Variants in FRRS1L observed in about 807,000 individuals in gnomAD.
The protein encoded by FRRS1L is ferric chelate reductase 1 like.
In FRRS1L, 22 loss-of-function variants were observed where a neutral mutation model predicts 28.6. The ratio of observed to expected loss-of-function variants is 0.77; its 90% CI spans 0.55 to 1.10. The LOEUF is 1.10. Ranked by LOEUF, FRRS1L falls within the 50% of genes least tolerant of loss-of-function variation. The pLI is 0.00. For missense variants in FRRS1L, 380 were observed against 386.9 expected, an observed-to-expected ratio of 0.98 and a Z score of 0.15; for synonymous variants, 158 against 151.4, an observed-to-expected ratio of 1.04 and a Z score of -0.32.
In FRRS1L at chr9:109,167,189, C is replaced by T. The variant is rs1257736975; in HGVS notation, c.-51G>A. ...GCCGCTCGGGCCGCAGCGGGGGCGCCGCGGGCGCGGGCCGGGACTGAGCCT... is the reference window on the plus strand; with the variant it reads ...GCCGCTCGGGCCGCAGCGGGGGCGCTGCGGGCGCGGGCCGGGACTGAGCCT... On this transcript the variant is annotated 5_prime_UTR_variant, in exon 1 of 5. Transcript: ENST00000561981. 6.9e-6 allele frequency: 8 copies of T among 1,166,090 alleles called. No homozygotes were observed. Among genetic ancestry groups the T allele is most frequent in the African/African-American group, 4.9e-5 (3 of 61,498 alleles). 72.2% of individuals were successfully genotyped at this position (1,166,090 alleles called of 1,614,324 possible). A position where few individuals can be genotyped will look rare whatever the true frequency, so the allele number is the denominator to read the frequency against.
chr9:109,162,158 A>C (rs1264899004), intron 1 of FRRS1L, among the ~76,000 whole-genome samples: 1 of 152,188 alleles, frequency 6.6e-6, no homozygotes. Context: ...TCTACTAAAA[A>C]TACAAAAATT....
chr9:109,137,616 G>T lies in FRRS1L; in HGVS notation c.721C>A (p.Arg241=). ...GCCGGCGGTGAGTCTATATCATGTC[G>T]AGTGATAGAGCCTTTAAGAAAAAAA... ...WGPAIQGSIT[R]HDIDSPPASE... The change falls in exon 5 of 5, where the codon CGA becomes AGA. Residue 241 remains arginine, a synonymous_variant. Transcript: ENST00000561981. 1.3e-6 allele frequency: 2 copies of T among 1,578,338 alleles called. No individual in the cohort carries two copies. Among genetic ancestry groups the T allele is most frequent in the East Asian group, 2.2e-5 (1 of 44,544 alleles).
At chr9:109,137,821 G>A (rs1469084550) in intron 4 of FRRS1L, 194 bp from the exon 5 acceptor site, 2 of 324,458 alleles carry the variant, frequency 6.2e-6, no homozygotes, top group African/African-American at 4.2e-5. Context: ...ATAGAAATTA[G>A]TTAAATTTAT....
chr9:109,142,511 T>A (rs7869740), intron 3 of FRRS1L, among the ~76,000 whole-genome samples: 32,382 of 151,796 alleles, frequency 0.21, 3,577 homozygotes, highest in East Asian at 0.34. Flanking sequence ...CTCAAAAAAA[T>A]AAAATAAAAT....
rs1347259557 is a variant in FRRS1L at position 109,131,741 on chromosome 9, T to C, written c.*5714A>G. On this transcript the variant is annotated 3_prime_UTR_variant, in exon 5 of 5. Coordinates refer to ENST00000561981, the MANE Select transcript of FRRS1L (RefSeq NM_014334.4). ...CAAATTCGGGGATCGTCTGTGTATA[T>C]AAACACATGGAGAACCACCTAACTG... 1 of 152,210 alleles carries C rather than the reference T, an allele frequency of 6.6e-6. No homozygotes were observed. Among genetic ancestry groups the C allele is most frequent in the Non-Finnish European group, 1.5e-5 (1 of 68,026 alleles). The allele number at this position is 152,210 out of a possible 1,614,324, so 9.4% of individuals were successfully genotyped here.
chr9:109,141,304 T>C, intron 4 of FRRS1L, 39 bp downstream of exon 4: 3 of 1,605,564 alleles, frequency 1.9e-6, no homozygotes, highest in Non-Finnish European at 2.6e-6. Flanking sequence ...AGCACAGTGG[T>C]GTCTGGCGTT....
chr9:109,146,224 TTAAA>T (rs901908197), intron 3 of FRRS1L, among the ~76,000 whole-genome samples: 24 of 151,430 alleles, frequency 1.6e-4, no homozygotes, highest in African/African-American at 5.3e-4. Flanking sequence ...AACAAATAAA[TTAAA>T]TAAATAAATA....
intron 1 of FRRS1L, among the ~76,000 whole-genome samples, chr9:109,158,750 T>C (rs1831442188): frequency 1.3e-5 from 2 of 152,248 alleles, no homozygotes; most frequent in South Asian, 2.1e-4. Context: ...TGATAGACAT[T>C]TGGGTTGTTT....
rs537102049 is a variant in FRRS1L at position 109,137,212 on chromosome 9, A to G, written c.*243T>C. ...CCAACTCAGAGATGTTGTGAAGTTA[A>G]ATAAGAAAACATATGTGAAAGTGCT... is the stretch of plus-strand genomic sequence containing the variant. On this transcript the variant is annotated 3_prime_UTR_variant, in exon 5 of 5. Transcript: ENST00000561981. The G allele has an allele frequency of 9.5e-4, 236 of 248,736 alleles. No homozygotes were observed. Among genetic ancestry groups the G allele is most frequent in the Middle Eastern group, 7.5e-3 (6 of 804 alleles). The allele number at this position is 248,736 out of a possible 1,614,324, so 15.4% of individuals were successfully genotyped here. A position where few individuals can be genotyped will look rare whatever the true frequency, so the allele number is the denominator to read the frequency against.
chr9:109,136,309 G>A lies in FRRS1L; in HGVS notation c.*1146C>T, dbSNP rs1831110356. On this transcript the variant is annotated 3_prime_UTR_variant, in exon 5 of 5. Transcript: ENST00000561981. ...GACAAGAGAATTCACTGTAACCACA[G>A]ATGAATACCTTAGTTTTATAAAATT... 1 of 149,254 alleles carries A rather than the reference G, an allele frequency of 6.7e-6. No individual in the cohort carries two copies. The highest frequency in any genetic ancestry group is 2.1e-4 in the South Asian group (1 of 4,772). 9.2% of individuals were successfully genotyped at this position (149,254 alleles called of 1,614,324 possible).
chr9:109,165,856 T>C (rs7468610), intron 1 of FRRS1L, among the ~76,000 whole-genome samples: 45,815 of 152,120 alleles, frequency 0.3, 7,758 homozygotes, highest in African/African-American at 0.44. Flanking sequence ...CAAGCAGTTA[T>C]TTTGAACCAT....
chr9:109,153,609 A>T (rs570950163), intron 1 of FRRS1L, among the ~76,000 whole-genome samples: 1 of 152,266 alleles, frequency 6.6e-6, no homozygotes, highest in East Asian at 1.9e-4. Context: ...CAAATAATAG[A>T]AGCTGAAGTG....
rs146600030 is a variant in FRRS1L, at chr9:109,141,548, G to A, written c.504C>T (p.Gly168=). ...TATAGAAGTGCTGTATGCGGACCCT[G>A]CCATTGTCATCATGGACGCAGGCCA... ...DVMACVHDDN[G]RVRIQHFYNV... is the part of the protein sequence containing the mutation. Residue 168 remains glycine (G), a synonymous_variant, in exon 4 of 5, where the codon GGC becomes GGT. Coordinates refer to ENST00000561981, the MANE Select transcript of FRRS1L (RefSeq NM_014334.4). 54 of 1,613,756 alleles carry A rather than the reference G, an allele frequency of 3.3e-5. No homozygotes were observed. Among genetic ancestry groups the A allele is most frequent in the Non-Finnish European group, 4.3e-5 (51 of 1,179,910 alleles).
intron 1 of FRRS1L, among the ~76,000 whole-genome samples, chr9:109,158,512 C>G (rs1831437787): frequency 6.6e-6 from 1 of 152,154 alleles, no homozygotes. Flanking sequence ...CCTCTCAGCC[C>G]CTGGCAACCA....
At chr9:109,142,600 G>A (rs970572395) in intron 3 of FRRS1L, among the ~76,000 whole-genome samples, 13 of 152,110 alleles carry the variant, frequency 8.5e-5, no homozygotes, top group African/African-American at 3.1e-4. Flanking sequence ...GATCATTTGA[G>A]CCCAGAAGTT....
Position 109,136,455 on chromosome 9 carries a change from T to C in FRRS1L, c.*1000A>G, listed in dbSNP as rs1289605939. ...CAGTTTGGTCTCCAACCTTTGCAAA[T>C]AGCAGTAAAAATGTTTTCCCATAGC... is the stretch of plus-strand genomic sequence containing the variant. On this transcript the variant is annotated 3_prime_UTR_variant, in exon 5 of 5. Coordinates refer to ENST00000561981, the MANE Select transcript of FRRS1L (RefSeq NM_014334.4). 2 of 151,466 alleles carry C rather than the reference T, an allele frequency of 1.3e-5. No individual in the cohort carries two copies. Among genetic ancestry groups the C allele is most frequent in the African/African-American group, 4.9e-5 (2 of 41,220 alleles). The allele number at this position is 151,466 out of a possible 1,614,324, so 9.4% of individuals were successfully genotyped here. A position where few individuals can be genotyped will look rare whatever the true frequency, so the allele number is the denominator to read the frequency against.
At position 109,141,069 on chromosome 9, in the gene FRRS1L, C is replaced by T. The variant is rs1533642; in HGVS notation, c.709+274G>A. 431,974 of 491,108 alleles carry T rather than the reference C, an allele frequency of 0.88. 190,688 individuals are homozygous for T. The highest frequency in any genetic ancestry group is 0.96 in the African/African-American group (49,758 of 51,906). 30.4% of individuals were successfully genotyped at this position (491,108 alleles called of 1,614,324 possible). A position where few individuals can be genotyped will look rare whatever the true frequency, so the allele number is the denominator to read the frequency against. ...AACAGAGCCCTACATACAGCAGATACATGATCTGTTTCATTAAGCACATCA... is the reference window on the plus strand; with the variant it reads ...AACAGAGCCCTACATACAGCAGATATATGATCTGTTTCATTAAGCACATCA... On this transcript the variant is annotated intron_variant, in intron 4 of 4. Transcript: ENST00000561981.
Position 109,167,006 on chromosome 9 carries a change from G to A in FRRS1L, c.133C>T (p.Arg45Cys), listed in dbSNP as rs573029562. The change falls in exon 1 of 5, where the codon CGC (arginine) becomes TGC (cysteine). Residue 45 changes from arginine to cysteine, a missense_variant. Transcript: ENST00000561981. ...TCGGCGCCCGTGTCCCCCCGCGCGC[G>A]TCCCCGGGGTCCCCGGCCCCCCGGG... is the stretch of plus-strand genomic sequence containing the variant. ...AGPGGRGPRG[R>C]ARGDTGADEA... 6.5e-6 allele frequency: 8 copies of A among 1,229,558 alleles called. No homozygotes were observed. Among genetic ancestry groups the A allele is most frequent in the African/African-American group, 1.6e-5 (1 of 63,180 alleles). The allele number at this position is 1,229,558 out of a possible 1,614,324, so 76.2% of individuals were successfully genotyped here. A position where few individuals can be genotyped will look rare whatever the true frequency, so the allele number is the denominator to read the frequency against.
rs187436155 is a variant in FRRS1L, at chr9:109,156,045, G to A, written c.239-6325C>T. 5.9e-5 allele frequency among the ~76,000 whole-genome samples: 9 copies of A among 152,224 alleles called. No individual in the cohort carries two copies. The East Asian group carries it at 1.5e-3, about 26-fold the overall frequency. On this transcript the variant is annotated intron_variant, in intron 1 of 4. Coordinates refer to ENST00000561981, the MANE Select transcript of FRRS1L (RefSeq NM_014334.4). Reference sequence around the variant, plus strand: ...GTTCTGACTCCAGTGTCATGTACATGATTCACAGAATCAAAATTGTATCCA... The same window carrying A: ...GTTCTGACTCCAGTGTCATGTACATAATTCACAGAATCAAAATTGTATCCA...
Sources: allele counts gnomAD v4.1 joint callset (sites outside exome capture counted in the v4.1 genomes callset), GRCh38; gene constraint gnomAD v4.1.1; transcripts MANE v1.5; gene names NCBI Gene and HGNC (gene_info 2026-07-23, HGNC 2026-07-21).